The following TUBGCP3 variants were observed in gnomAD, a reference collection of about 807,000 sequenced individuals.
The protein encoded by TUBGCP3 is tubulin gamma complex component 3.
TUBGCP3 carries 50 observed loss-of-function variants against 123.1 expected under a neutral mutation model. That is an observed-to-expected ratio of 0.41 (90% CI 0.32 to 0.51). The LOEUF is 0.51. Ranked by LOEUF, TUBGCP3 falls within the 20% of genes least tolerant of loss-of-function variation. The pLI, the probability that TUBGCP3 is intolerant of heterozygous loss-of-function variation, is 0.36. For synonymous variants in TUBGCP3, 405 were observed against 413.9 expected, an observed-to-expected ratio of 0.98 and a Z score of 0.26; for missense variants, 882 against 1,127.0, an observed-to-expected ratio of 0.78 and a Z score of 3.11.
At position 112,558,231 on chromosome 13, in the gene TUBGCP3, A is replaced by C; in HGVS notation, c.513T>G (p.Ser171Arg). Reference protein sequence around the residue: ...GISSIGLCALSGPAPAPQSLL... With the variant: ...GISSIGLCALRGPAPAPQSLL... Reference sequence around the variant, plus strand: ...GAGATTGTGGCGCAGGCGCGGGGCCACTGAGGGCACACAGGCCAATGCTGC... The same window carrying C: ...GAGATTGTGGCGCAGGCGCGGGGCCCCTGAGGGCACACAGGCCAATGCTGC... Residue 171 changes from serine to arginine, a missense_variant, in exon 5 of 22, where the codon AGT becomes AGG. Transcript: ENST00000261965. 3 of 1,612,170 alleles carry C rather than the reference A, an allele frequency of 1.9e-6. No homozygotes were observed. The highest frequency in any genetic ancestry group is 2.5e-6 in the Non-Finnish European group (3 of 1,179,882).
intron 1 of TUBGCP3, among the ~76,000 whole-genome samples, chr13:112,577,486 G>A (rs1000776883): frequency 5.9e-5 from 9 of 151,984 alleles, no homozygotes; most frequent in Admixed American, 4.6e-4. Context: ...AAAAAAGTCC[G>A]AGAAATTGTC....
intron 19 of TUBGCP3, among the ~76,000 whole-genome samples, chr13:112,500,480 T>A (rs1013079911): frequency 6.6e-6 from 1 of 152,230 alleles, no homozygotes; most frequent in African/African-American, 2.4e-5. Flanking sequence ...CTGGTTTTAC[T>A]GATAAAAAAT....
intron 11 of TUBGCP3, among the ~76,000 whole-genome samples, chr13:112,536,211 T>C (rs1216936094): frequency 6.6e-6 from 1 of 152,280 alleles, no homozygotes; most frequent in East Asian, 1.9e-4. Flanking sequence ...TTTTACAAGA[T>C]TGTTTGGCCT....
At chr13:112,583,664 G>T (rs1370511082) in intron 1 of TUBGCP3, among the ~76,000 whole-genome samples, 6 of 152,248 alleles carry the variant, frequency 3.9e-5, no homozygotes, top group Non-Finnish European at 1.5e-5. Flanking sequence ...CCACAGTTGT[G>T]TGTTTCTCAA....
intron 19 of TUBGCP3, among the ~76,000 whole-genome samples, chr13:112,500,328 C>T (rs1325945076): frequency 6.6e-6 from 1 of 152,182 alleles, no homozygotes; most frequent in African/African-American, 2.4e-5. Context: ...GCAAACAAAA[C>T]AGCCAACAAT....
chr13:112,562,155 C>CCCAATAGGGAACACCACCAGCCAGGGG (rs1880564156), intron 3 of TUBGCP3, among the ~76,000 whole-genome samples: 1 of 151,046 alleles, frequency 6.6e-6, no homozygotes. Context: ...CCAGCCAGGA[C>CCCAATAGGGAACACCACCAGCCAGGGG]CCACTAGGGA....
chr13:112,504,210 T>G (rs748289014), intron 18 of TUBGCP3, 47 bp from the exon 19 acceptor site: 3 of 1,612,016 alleles, frequency 1.9e-6, no homozygotes, highest in Non-Finnish European at 2.5e-6. Flanking sequence ...ATGTCCTTCC[T>G]AGTGTAGCAT....
chr13:112,576,045 G>A (rs913695027), intron 1 of TUBGCP3, among the ~76,000 whole-genome samples: 4 of 152,218 alleles, frequency 2.6e-5, no homozygotes, highest in African/African-American at 7.2e-5. Flanking sequence ...GGAAAATTAC[G>A]TACGTGCCTT....
intron 21 of TUBGCP3, 129 bp downstream of exon 21, chr13:112,489,447 GGTGCT>G: frequency 1.4e-6 from 1 of 713,746 alleles, no homozygotes; most frequent in South Asian, 1.7e-5. Flanking sequence ...GTCCACCATG[GGTGCT>G]ACTCACACCT....
rs1882760340 is a variant in TUBGCP3, at chr13:112,588,066, G to C, written c.-86C>G. The stretch of plus-strand genomic sequence containing the variant: ...GGACCGCGGCCCGCGCCCTTCCTGC[G>C]CCCCGCAAGCTCCCTGCTCCTGACA... On this transcript the variant is annotated 5_prime_UTR_variant, in exon 1 of 22. Transcript: ENST00000261965. 3 of 1,158,884 alleles carry C rather than the reference G, an allele frequency of 2.6e-6. No individual in the cohort carries two copies. In the South Asian group the frequency reaches 6.3e-5, roughly 24 times the overall value. The allele number at this position is 1,158,884 out of a possible 1,614,324, so 71.8% of individuals were successfully genotyped here.
intron 21 of TUBGCP3, among the ~76,000 whole-genome samples, chr13:112,488,736 G>A (rs1186281130): frequency 7.1e-6 from 1 of 141,282 alleles, no homozygotes; most frequent in Non-Finnish European, 1.5e-5. Flanking sequence ...GCCACCCCCA[G>A]GTCTCCACAC....
At chr13:112,527,979 T>C (rs1487278982) in intron 11 of TUBGCP3, among the ~76,000 whole-genome samples, 1 of 152,234 alleles carries the variant, frequency 6.6e-6, no homozygotes, top group Non-Finnish European at 1.5e-5. Context: ...TTGCTGTACA[T>C]GTACCCATGT....
chr13:112,534,033 A>C (rs1877819395), intron 11 of TUBGCP3, among the ~76,000 whole-genome samples: 1 of 152,054 alleles, frequency 6.6e-6, no homozygotes, highest in East Asian at 1.9e-4. Flanking sequence ...CGAGTGTGGA[A>C]GGGAGATGAG....
At chr13:112,601,185 T>TAA in the TUBGCP3 span, among the ~76,000 whole-genome samples, 263 of 86,470 alleles carry the variant, frequency 3.0e-3, no homozygotes, top group African/African-American at 0.011. Context: ...AGATTCTGTC[T>TAA]AAAAAAAAAA....
In TUBGCP3 at chr13:112,534,645, G is replaced by T. The variant is rs1382853436; in HGVS notation, c.1336-7161C>A. ...AGCTACAGAGCCCTACTTGCGCTCG[G>T]CGACGCCATGGTGAACAGGAGCACC... On this transcript the variant is annotated intron_variant, in intron 11 of 21. Transcript: ENST00000261965. Among the ~76,000 whole-genome samples the T allele has an allele frequency of 2.0e-5, 3 of 151,944 alleles. No homozygotes were observed. The East Asian group carries it at 5.8e-4, about 29-fold the overall frequency.
At position 112,556,076 on chromosome 13, in the gene TUBGCP3, A is replaced by C; in HGVS notation, c.697T>G (p.Ser233Ala). Residue 233 changes from serine (S) to alanine (A), a missense_variant, in exon 6 of 22, where the codon TCC becomes GCC. This residue lies in a region of TUBGCP3 where 713 missense variants were observed against 874.0 expected (regional missense o/e 0.82). Coordinates refer to ENST00000261965, the MANE Select transcript of TUBGCP3 (RefSeq NM_006322.6). Reference sequence around the variant, plus strand: ...CCACCCGTATCCCCTTCTCTCCTGGACCTTGTCATGTTGCGAGACACAGCA... The same window carrying C: ...CCACCCGTATCCCCTTCTCTCCTGGCCCTTGTCATGTTGCGAGACACAGCA... ...PSAVSRNMTR[S>A]RREGDTGGTM... The C allele has an allele frequency of 6.2e-7, 1 of 1,613,898 alleles. No individual in the cohort carries two copies. Among genetic ancestry groups the C allele is most frequent in the South Asian group, 1.1e-5 (1 of 91,062 alleles).
chr13:112,549,601 C>G (rs1174166421), intron 8 of TUBGCP3, among the ~76,000 whole-genome samples: 1 of 152,072 alleles, frequency 6.6e-6, no homozygotes, highest in African/African-American at 2.4e-5. Flanking sequence ...ATTGGCAGCT[C>G]AATGCCAATC....
intron 19 of TUBGCP3, among the ~76,000 whole-genome samples, chr13:112,503,454 C>T (rs2138998723): frequency 6.6e-6 from 1 of 152,324 alleles, no homozygotes; most frequent in South Asian, 2.1e-4. Context: ...ACTGCAACCT[C>T]TGCCACCCGG....
chr13:112,529,269 G>A (rs185010075), intron 11 of TUBGCP3, among the ~76,000 whole-genome samples: 131 of 152,268 alleles, frequency 8.6e-4, no homozygotes, highest in Non-Finnish European at 5.1e-4. Context: ...TGGCCGAGCC[G>A]GCCCCATTTA....
Sources: allele counts gnomAD v4.1 joint callset (sites outside exome capture counted in the v4.1 genomes callset), GRCh38; gene constraint gnomAD v4.1.1; regional missense constraint gnomAD v4.1.1; transcripts MANE v1.5; gene names NCBI Gene and HGNC (gene_info 2026-07-23, HGNC 2026-07-21).